PTPRB: variants seen among roughly 807,000 people sequenced by gnomAD.
PTPRB encodes protein tyrosine phosphatase receptor type B.
In PTPRB, 97 loss-of-function variants were observed where a neutral mutation model predicts 238.1. The ratio of observed to expected loss-of-function variants is 0.41; its 90% CI spans 0.35 to 0.48. The LOEUF (loss-of-function observed/expected upper bound fraction) is 0.48, where lower values mean the gene tolerates loss of function less well. Ranked by LOEUF, PTPRB falls within the 20% of genes least tolerant of loss-of-function variation. PTPRB has a pLI of 0.30. For synonymous variants in PTPRB, 970 were observed against 995.4 expected (o/e 0.97, Z 0.48); for missense variants, 2,292 against 2,681.9 (o/e 0.85, Z 3.21).
At chr12:70,636,286 CTTT>C (rs75812781) in intron 1 of PTPRB, among the ~76,000 whole-genome samples, 2 of 142,032 alleles carry the variant, frequency 1.4e-5, no homozygotes, top group Non-Finnish European at 1.5e-5. Context: ...AACTCCCCAT[CTTT>C]TTTTTTTTTT....
chr12:70,615,673 G>C (rs568960026), intron 3 of PTPRB, among the ~76,000 whole-genome samples: 1 of 152,270 alleles, frequency 6.6e-6, no homozygotes, highest in Non-Finnish European at 1.5e-5. Flanking sequence ...CCCACCCTTG[G>C]AAGGGAGTCT....
intron 2 of PTPRB, among the ~76,000 whole-genome samples, chr12:70,634,402 T>A (rs1885590208): frequency 1.3e-5 from 2 of 152,202 alleles, no homozygotes; most frequent in Non-Finnish European, 2.9e-5. Context: ...TGGAGGTGGT[T>A]GTAGAGGAAA....
chr12:70,586,865 T>G, intron 9 of PTPRB, 142 bp downstream of exon 9: 1 of 838,020 alleles, frequency 1.2e-6, no homozygotes, highest in South Asian at 1.9e-5. Flanking sequence ...ATTGGTAAAA[T>G]AGAAAACAAA....
At chr12:70,580,949 T>A in intron 10 of PTPRB, 87 bp downstream of exon 10, 1 of 1,428,478 alleles carries the variant, frequency 7.0e-7, no homozygotes, top group Non-Finnish European at 9.4e-7. Flanking sequence ...ATGAGTCTGA[T>A]TTTAGGATAT....
At chr12:70,608,615 A>G (rs547189544) in intron 4 of PTPRB, 2 of 159,140 alleles carry the variant, frequency 1.3e-5, no homozygotes, top group African/African-American at 4.8e-5. Context: ...GAATGGCTCC[A>G]TTCTATTCCT....
intron 27 of PTPRB, chr12:70,538,665 C>A: frequency 1.9e-6 from 1 of 524,576 alleles, no homozygotes; most frequent in Non-Finnish European, 3.4e-6. Context: ...TACTGCTTAG[C>A]CTCCAAAGAG....
intron 8 of PTPRB, among the ~76,000 whole-genome samples, chr12:70,588,110 A>AAG (rs1555232487): frequency 1.6e-5 from 2 of 125,254 alleles, no homozygotes; most frequent in South Asian, 2.4e-4. Context: ...AAAAAAAAAA[A>AAG]AAAGAAAAGA....
At chr12:70,568,609 T>G (rs1879621842) in intron 14 of PTPRB, among the ~76,000 whole-genome samples, 1 of 152,192 alleles carries the variant, frequency 6.6e-6, no homozygotes, top group African/African-American at 2.4e-5. Flanking sequence ...AATGCCCACT[T>G]CTAACACAGG....
At position 70,576,662 on chromosome 12, in the gene PTPRB, TG is replaced by T. The variant is rs753042261; in HGVS notation, c.2579-18del. On this transcript the variant is annotated intron_variant, in intron 10 of 33. Transcript: ENST00000334414. Reference sequence around the variant, plus strand: ...TGGAAGGGACTGTGATTTTGAAAGGTGGGGGGCGGGGGGGGGGGGGAAGGGG... The same window carrying T: ...TGGAAGGGACTGTGATTTTGAAAGGTGGGGGCGGGGGGGGGGGGGAAGGGG... The T allele has an allele frequency of 7.8e-4, 12 of 15,290 alleles. No individual in the cohort carries two copies. Among genetic ancestry groups the T allele is most frequent in the South Asian group, 6.1e-3 (1 of 164 alleles). 0.9% of individuals were successfully genotyped at this position (15,290 alleles called of 1,614,324 possible). A position where few individuals can be genotyped will look rare whatever the true frequency, so the allele number is the denominator to read the frequency against.
At position 70,609,127 on chromosome 12, in the gene PTPRB, G is replaced by A; in HGVS notation, c.921C>T (p.Thr307=). 1 of 1,613,868 alleles carries A rather than the reference G, an allele frequency of 6.2e-7. No individual in the cohort carries two copies. The highest frequency in any genetic ancestry group is 8.5e-7 in the Non-Finnish European group (1 of 1,179,784). Reference sequence around the variant, plus strand: ...GAGAAATAATCCTGAAGTTATAGATGGTTCCTGCTTGTAAATCTTGAAGGT... The same window carrying A: ...GAGAAATAATCCTGAAGTTATAGATAGTTCCTGCTTGTAAATCTTGAAGGT... ...GCNLQDLQAG[T]IYNFRIISLD... The change falls in exon 4 of 34, where the codon ACC becomes ACT. Residue 307 remains threonine (T), a synonymous_variant. Coordinates refer to ENST00000334414, the MANE Select transcript of PTPRB (RefSeq NM_001109754.4).
In PTPRB at chr12:70,519,803, C is replaced by G. The variant is rs1234586998; in HGVS notation, c.*1686G>C. On this transcript the variant is annotated 3_prime_UTR_variant, in exon 34 of 34. Transcript: ENST00000334414. ...ATCAGAGCTTAAGACTGTCATTTCACAAGAGCATTGAGCACAATGAAACTG... is the reference window on the plus strand; with the variant it reads ...ATCAGAGCTTAAGACTGTCATTTCAGAAGAGCATTGAGCACAATGAAACTG... The G allele has an allele frequency of 6.4e-6, 1 of 157,310 alleles. No homozygotes were observed. The highest frequency in any genetic ancestry group is 1.4e-5 in the Non-Finnish European group (1 of 71,676). 9.7% of individuals were successfully genotyped at this position (157,310 alleles called of 1,614,324 possible).
chr12:70,610,666 A>G (rs911025433), intron 3 of PTPRB, among the ~76,000 whole-genome samples: 1 of 151,870 alleles, frequency 6.6e-6, no homozygotes, highest in Non-Finnish European at 1.5e-5. Flanking sequence ...TTTTCTCCCA[A>G]TCACTTTCCC....
In PTPRB at chr12:70,539,822, CTT is replaced by C; in HGVS notation, c.5696+3_5696+4del. 6.3e-7 allele frequency: 1 copy of C among 1,597,118 alleles called. No homozygotes were observed. The highest frequency in any genetic ancestry group is 8.6e-7 in the Non-Finnish European group (1 of 1,164,594). On this transcript the variant is annotated splice_donor_region_variant and intron_variant, in intron 25 of 33. Coordinates refer to ENST00000334414, the MANE Select transcript of PTPRB (RefSeq NM_001109754.4). ...ATATAGTAATTAATGTGTTCTCTCT[CTT>C]ACCAAGAAGTTTTCCGGTTACTGTG...
chr12:70,629,104 C>A (rs1434774385), intron 2 of PTPRB, among the ~76,000 whole-genome samples: 1 of 152,090 alleles, frequency 6.6e-6, no homozygotes, highest in African/African-American at 2.4e-5. Context: ...GCTAGCTAAA[C>A]TATTAATATG....
chr12:70,609,043 A>T, intron 4 of PTPRB, 26 bp downstream of exon 4: 3 of 1,611,312 alleles, frequency 1.9e-6, no homozygotes, highest in Non-Finnish European at 2.5e-6. Context: ...TGGCTTGGCC[A>T]TCCAATTGCA....
intron 10 of PTPRB, among the ~76,000 whole-genome samples, chr12:70,577,005 A>G (rs1880857547): frequency 6.6e-6 from 1 of 152,204 alleles, no homozygotes; most frequent in Non-Finnish European, 1.5e-5. Flanking sequence ...GGGAACAAAT[A>G]TTTCAACAAT....
chr12:70,538,689 A>G, intron 27 of PTPRB: 2 of 551,570 alleles, frequency 3.6e-6, no homozygotes, highest in Non-Finnish European at 6.5e-6. Context: ...CAATAGCATC[A>G]CATGGGGAAA....
chr12:70,570,265 T>G (rs1215374186), intron 13 of PTPRB, among the ~76,000 whole-genome samples: 1 of 152,186 alleles, frequency 6.6e-6, no homozygotes, highest in Non-Finnish European at 1.5e-5. Flanking sequence ...TCTGTAAGTT[T>G]TAGTTTCTTC....
chr12:70,544,531 G>T, intron 22 of PTPRB, 26 bp downstream of exon 22: 2 of 1,491,924 alleles, frequency 1.3e-6, no homozygotes, highest in Non-Finnish European at 1.9e-6. Flanking sequence ...GCAGTTGGTA[G>T]AACATGATGT....
Sources: gnomAD v4.1 joint callset for allele counts (sites outside exome capture counted in the v4.1 genomes callset) on GRCh38, gnomAD v4.1.1 for gene constraint, MANE v1.5 for transcripts, NCBI Gene and HGNC (gene_info 2026-07-23, HGNC 2026-07-21) for gene names.